PHGDH: variants seen among roughly 807,000 people sequenced by gnomAD.
PHGDH encodes D-3-phosphoglycerate dehydrogenase.
PHGDH carries 50 observed loss-of-function variants against 52.6 expected under a neutral mutation model. The observed-to-expected ratio is 0.95, with a 90% CI of 0.76 to 1.20. The LOEUF (loss-of-function observed/expected upper bound fraction) is 1.20, where lower values mean the gene tolerates loss of function less well. Ranked by LOEUF, PHGDH falls within the 50% of genes most tolerant of loss-of-function variation. The pLI, the probability that PHGDH is intolerant of heterozygous loss-of-function variation, is 0.00. For missense variants in PHGDH, 630 were observed against 684.6 expected, an observed-to-expected ratio of 0.92 and a Z score of 0.89; for synonymous variants, 271 against 280.5, an observed-to-expected ratio of 0.97 and a Z score of 0.34.
chr1:119,742,188 G>A (rs1470629734), intron 10 of PHGDH: 8 of 459,408 alleles, frequency 1.7e-5, no homozygotes, highest in Non-Finnish European at 2.4e-5. Flanking sequence ...GACTCTGCCC[G>A]ACATGGCTGC....
intron 1 of PHGDH, among the ~76,000 whole-genome samples, chr1:119,716,969 A>G (rs925969248): frequency 6.6e-6 from 1 of 152,120 alleles, no homozygotes; most frequent in Non-Finnish European, 1.5e-5. Flanking sequence ...TATTTCCTTG[A>G]TATCTAGCGT....
chr1:119,712,287 T>A, intron 1 of PHGDH, 127 bp downstream of exon 1: 1 of 630,134 alleles, frequency 1.6e-6, no homozygotes, highest in Non-Finnish European at 2.8e-6. Flanking sequence ...CTCCTGAGAT[T>A]GGGGGGTAGA....
rs1366833576 is a variant in PHGDH, at chr1:119,737,169, A to C, written c.848A>C (p.His283Pro). Residue 283 changes from histidine (H) to proline (P), a missense_variant, in exon 8 of 12, where the codon CAC (histidine) becomes CCC (proline). Physicochemically the swap from His to Pro is moderately conservative, Grantham distance 77. Coordinates refer to ENST00000641023, the MANE Select transcript of PHGDH (RefSeq NM_006623.4). ...CATGAGAATGTCATCAGCTGTCCCCACCTGGGTGCCAGCACCAAGGAGGCT... is the reference window on the plus strand; with the variant it reads ...CATGAGAATGTCATCAGCTGTCCCCCCCTGGGTGCCAGCACCAAGGAGGCT... ...VDHENVISCP[H>P]LGASTKEAQS... is the part of the protein sequence containing the mutation. 2 of 1,613,772 alleles carry C rather than the reference A, an allele frequency of 1.2e-6. No individual in the cohort carries two copies. The highest frequency in any genetic ancestry group is 1.3e-5 in the African/African-American group (1 of 75,048).
At position 119,726,251 on chromosome 1, in the gene PHGDH, T is replaced by G. The variant is rs113882181; in HGVS notation, c.357-600T>G. Reference sequence around the variant, plus strand: ...TGGTGGTGGTGGGACAGGAAGGTGGTGCGGATGTTTAAAAATGTTGGGACC... The same window carrying G: ...TGGTGGTGGTGGGACAGGAAGGTGGGGCGGATGTTTAAAAATGTTGGGACC... On this transcript the variant is annotated intron_variant, in intron 3 of 11. Transcript: ENST00000641023. Among the ~76,000 whole-genome samples the G allele has an allele frequency of 2.6e-4, 39 of 147,816 alleles. 1 individual carries two copies. The highest frequency in any genetic ancestry group is 8.8e-4 in the African/African-American group (35 of 39,826).
chr1:119,720,778 T>C (rs587762308), intron 1 of PHGDH: 1 of 299,078 alleles, frequency 3.3e-6, no homozygotes, highest in Admixed American at 4.5e-5. Context: ...TGTGCAGGAA[T>C]GATAGGGTAT....
chr1:119,726,953 C>A lies in PHGDH; in HGVS notation c.411+48C>A, dbSNP rs772011894. The A allele has an allele frequency of 1.9e-6, 3 of 1,605,024 alleles. No individual in the cohort carries two copies. In the African/African-American group the frequency reaches 4.0e-5, roughly 21 times the overall value. On this transcript the variant is annotated intron_variant, in intron 4 of 11. Transcript: ENST00000641023. ...CCCACCTGGGCTCAGGGCCCGGGGTCCACTCATGTTGCTGACTTCAGCTTC... is the reference window on the plus strand; with the variant it reads ...CCCACCTGGGCTCAGGGCCCGGGGTACACTCATGTTGCTGACTTCAGCTTC...
chr1:119,726,620 A>C, intron 3 of PHGDH: 1 of 600,878 alleles, frequency 1.7e-6, no homozygotes, highest in Non-Finnish European at 3.0e-6. Context: ...CTCCTCCCAG[A>C]TGCCTGGCTG....
intron 1 of PHGDH, among the ~76,000 whole-genome samples, chr1:119,714,668 A>G (rs190810011): frequency 8.9e-4 from 135 of 152,340 alleles, no homozygotes; most frequent in African/African-American, 3.0e-3. Context: ...GAGGAGGTTG[A>G]GACCAGACTG....
rs146220907 is a variant in PHGDH, at chr1:119,735,431, C to T, written c.780C>T (p.Asp260=). ...GCCAGTGTGCCGGGGCTGCACTGGA[C>T]GTGTTTACGGAAGTAAGTGCCTGGC... ...QSGQCAGAAL[D]VFTEEPPRDR... Residue 260 remains aspartate, a synonymous_variant, in exon 7 of 12, where the codon GAC becomes GAT. Coordinates refer to ENST00000641023, the MANE Select transcript of PHGDH (RefSeq NM_006623.4). 27 of 1,613,010 alleles carry T rather than the reference C, an allele frequency of 1.7e-5. No individual in the cohort carries two copies. Among genetic ancestry groups the T allele is most frequent in the African/African-American group, 1.5e-4 (11 of 74,938 alleles).
chr1:119,735,227 T>C, intron 6 of PHGDH, 68 bp from the exon 7 acceptor site: 1 of 1,605,430 alleles, frequency 6.2e-7, no homozygotes, highest in Non-Finnish European at 8.5e-7. Context: ...GGAAGACCTC[T>C]GGAAGCCAGG....
At chr1:119,725,077 CAGA>C (rs3838424) in intron 3 of PHGDH, 11,856 of 443,884 alleles carry the variant, frequency 0.027, 276 homozygotes, top group East Asian at 0.076. Context: ...TCCTGAGGTG[CAGA>C]AGAACAGCAC....
intron 5 of PHGDH, chr1:119,727,327 G>A: frequency 3.5e-6 from 2 of 579,098 alleles, no homozygotes; most frequent in Middle Eastern, 4.7e-4. Context: ...TCTCTGGTGA[G>A]TGAATAGCCC....
At chr1:119,712,745 TG>T (rs1650754290) in intron 1 of PHGDH, 1 of 172,084 alleles carries the variant, frequency 5.8e-6, no homozygotes, top group Admixed American at 5.6e-5. Context: ...CTGGGGCAGC[TG>T]GAGGGGAAGG....
intron 1 of PHGDH, chr1:119,715,724 C>G (rs1028069117): frequency 7.2e-5 from 11 of 152,116 alleles, no homozygotes; most frequent in Non-Finnish European, 1.2e-4. Flanking sequence ...GACAGGGGAG[C>G]GGGAGGACTT....
At position 119,734,835 on chromosome 1, in the gene PHGDH, C is replaced by T. The variant is rs777756959; in HGVS notation, c.643+69C>T. ...ACCAGTTAACAAATGGGCCCTCCAT[C>T]TGGGCCTTCCCCAGACAGTGGTAAC... On this transcript the variant is annotated intron_variant, in intron 6 of 11. Transcript: ENST00000641023. The T allele has an allele frequency of 3.9e-6, 6 of 1,531,396 alleles. No homozygotes were observed. The South Asian group carries it at 6.7e-5, about 17-fold the overall frequency. The allele number at this position is 1,531,396 out of a possible 1,614,324, so 94.9% of individuals were successfully genotyped here. A position where few individuals can be genotyped will look rare whatever the true frequency, so the allele number is the denominator to read the frequency against.
chr1:119,728,982 G>A (rs1651573052), intron 5 of PHGDH, among the ~76,000 whole-genome samples: 2 of 152,124 alleles, frequency 1.3e-5, no homozygotes, highest in Admixed American at 1.3e-4. Context: ...GAATTTGTAA[G>A]CTTATGCCTA....
intron 7 of PHGDH, among the ~76,000 whole-genome samples, chr1:119,735,941 C>T (rs587660365): frequency 6.6e-6 from 1 of 152,292 alleles, no homozygotes; most frequent in African/African-American, 2.4e-5. Context: ...TCGGGGTGGG[C>T]TGCTTTCCCA....
chr1:119,727,547 T>C (rs587773612), intron 5 of PHGDH: 10 of 236,160 alleles, frequency 4.2e-5, no homozygotes, highest in Non-Finnish European at 6.7e-5. Flanking sequence ...TGAGGCAGTG[T>C]TGGCCGGGCG....
chr1:119,717,682 TTC>T (rs957842923), intron 1 of PHGDH, among the ~76,000 whole-genome samples: 2 of 152,234 alleles, frequency 1.3e-5, no homozygotes, highest in African/African-American at 4.8e-5. Context: ...TTCTCACATA[TTC>T]TGTTTGTCTA....
Sources: allele counts gnomAD v4.1 joint callset (sites outside exome capture counted in the v4.1 genomes callset), GRCh38; gene constraint gnomAD v4.1.1; transcripts MANE v1.5; gene names NCBI Gene and HGNC (gene_info 2026-07-23, HGNC 2026-07-21).